Variants in FHIT observed in about 807,000 individuals in gnomAD.
FHIT encodes fragile histidine triad diadenosine triphosphatase, also known as bis(5'-adenosyl)-triphosphatase.
In FHIT, 19 loss-of-function variants were observed where a neutral mutation model predicts 17.9. The observed-to-expected ratio is 1.06, with a 90% CI of 0.74 to 1.56. The LOEUF is 1.56. Ranked by LOEUF, FHIT falls within the 40% of genes most tolerant of loss-of-function variation. FHIT has a pLI of 0.00. For missense variants in FHIT, 248 were observed against 189.2 expected, an observed-to-expected ratio of 1.31 and a Z score of -1.82; for synonymous variants, 81 against 69.7, an observed-to-expected ratio of 1.16 and a Z score of -0.81.
At chr3:60,775,194 G>A (rs1700179412) in intron 4 of FHIT, among the ~76,000 whole-genome samples, 1 of 152,184 alleles carries the variant, frequency 6.6e-6, no homozygotes, top group African/African-American at 2.4e-5. Context: ...GCCCCTGATA[G>A]AGGAAGAAAC....
At chr3:59,889,631 C>T (rs1575648596) in intron 8 of FHIT, among the ~76,000 whole-genome samples, 1 of 152,172 alleles carries the variant, frequency 6.6e-6, no homozygotes, top group East Asian at 1.9e-4. Context: ...GACACTACAA[C>T]GTGGTTGGAA....
At chr3:60,371,525 C>T (rs1469979856) in intron 5 of FHIT, among the ~76,000 whole-genome samples, 2 of 152,006 alleles carry the variant, frequency 1.3e-5, no homozygotes, top group Non-Finnish European at 2.9e-5. Flanking sequence ...ACCTGGCTCT[C>T]AAGTAGTCGG....
At chr3:59,892,812 C>T (rs1703912429) in intron 8 of FHIT, among the ~76,000 whole-genome samples, 1 of 152,080 alleles carries the variant, frequency 6.6e-6, no homozygotes, top group Non-Finnish European at 1.5e-5. Flanking sequence ...AACCACCCAC[C>T]CATCAATTAT....
At chr3:61,161,328 G>A (rs536391737) in intron 2 of FHIT, among the ~76,000 whole-genome samples, 3 of 151,864 alleles carry the variant, frequency 2.0e-5, no homozygotes, top group South Asian at 2.1e-4. Context: ...CAGCCTCCCA[G>A]GTAGCTGGGA....
At chr3:60,865,681 G>T (rs1298857456) in intron 3 of FHIT, among the ~76,000 whole-genome samples, 4 of 152,088 alleles carry the variant, frequency 2.6e-5, no homozygotes, top group African/African-American at 9.7e-5. Context: ...TTTCATATCT[G>T]TTATGCTACT....
At chr3:60,879,526 G>A (rs545316016) in intron 3 of FHIT, among the ~76,000 whole-genome samples, 13 of 152,250 alleles carry the variant, frequency 8.5e-5, no homozygotes, top group African/African-American at 2.9e-4. Context: ...AAAGAAATAT[G>A]TCAATGCCAA....
intron 1 of FHIT, among the ~76,000 whole-genome samples, chr3:61,205,826 G>A (rs1393780316): frequency 6.6e-6 from 1 of 151,340 alleles, no homozygotes; most frequent in Non-Finnish European, 1.5e-5. Context: ...AGTTTAATTA[G>A]ATCCCATTTG....
At chr3:59,922,548 C>A in intron 7 of FHIT, 134 bp from the exon 8 acceptor site, 1 of 704,524 alleles carries the variant, frequency 1.4e-6, no homozygotes, top group Admixed American at 2.7e-5. Context: ...AAGTTGATAT[C>A]CACCTTCGGT....
At chr3:60,357,412 T>C (rs997962114) in intron 5 of FHIT, among the ~76,000 whole-genome samples, 1 of 151,946 alleles carries the variant, frequency 6.6e-6, no homozygotes, top group African/African-American at 2.4e-5. Context: ...CCTGGCTAAT[T>C]TTTTGTATTT....
chr3:61,239,514 C>T (rs1034202605), intron 1 of FHIT, among the ~76,000 whole-genome samples: 1 of 152,006 alleles, frequency 6.6e-6, no homozygotes, highest in African/African-American at 2.4e-5. Flanking sequence ...TTCTGTCTGG[C>T]CATTTTATCT....
At chr3:60,563,979 C>T (rs1029915360) in intron 4 of FHIT, among the ~76,000 whole-genome samples, 4 of 152,152 alleles carry the variant, frequency 2.6e-5, no homozygotes, top group Non-Finnish European at 1.5e-5. Context: ...TATTGGAAGG[C>T]GATGCCATCA....
intron 8 of FHIT, among the ~76,000 whole-genome samples, chr3:59,771,666 C>T (rs887621675): frequency 2.6e-5 from 4 of 152,190 alleles, no homozygotes; most frequent in African/African-American, 9.7e-5. Flanking sequence ...GAAGGGTTGT[C>T]CTAAGAAGAA....
intron 5 of FHIT, among the ~76,000 whole-genome samples, chr3:60,029,907 G>C (rs867029188): frequency 5.3e-5 from 7 of 132,542 alleles, no homozygotes; most frequent in African/African-American, 2.3e-4. Context: ...CTGTGTGTGT[G>C]TGTGTGTGTG....
At chr3:60,704,448 C>T (rs2041322965) in intron 4 of FHIT, among the ~76,000 whole-genome samples, 1 of 152,118 alleles carries the variant, frequency 6.6e-6, no homozygotes, top group Non-Finnish European at 1.5e-5. Context: ...ACAGCTCTCC[C>T]AGACTTCACA....
chr3:60,715,097 A>G lies in FHIT; in HGVS notation c.-18+106822T>C, dbSNP rs2041647229. The stretch of plus-strand genomic sequence containing the variant: ...GGTACCAAAACAGAGATATAGATCA[A>G]TGGAACAGAACAGAGCCCTCAGAAA... On this transcript the variant is annotated intron_variant, in intron 4 of 9. Transcript: ENST00000492590. Among the ~76,000 whole-genome samples the G allele has an allele frequency of 2.6e-5, 4 of 152,258 alleles. No individual in the cohort carries two copies. The South Asian group carries it at 6.2e-4, about 24-fold the overall frequency.
At chr3:61,216,248 A>T (rs1418178528) in intron 1 of FHIT, among the ~76,000 whole-genome samples, 1 of 152,246 alleles carries the variant, frequency 6.6e-6, no homozygotes, top group Non-Finnish European at 1.5e-5. Flanking sequence ...TACTCATTTG[A>T]CAAAGGGCTA....
intron 5 of FHIT, among the ~76,000 whole-genome samples, chr3:60,471,212 C>T (rs2033073434): frequency 6.6e-6 from 1 of 152,192 alleles, no homozygotes; most frequent in South Asian, 2.1e-4. Context: ...GCACTCCCTT[C>T]ACCAGCTGAT....
chr3:60,472,370 T>G (rs2033131691), intron 5 of FHIT, among the ~76,000 whole-genome samples: 1 of 58,534 alleles, frequency 1.7e-5, no homozygotes, highest in Non-Finnish European at 2.9e-5. Flanking sequence ...CAATGCTGTA[T>G]TTTTTTTTTT....
At chr3:61,039,809 C>CCTG (rs1244848385) in intron 3 of FHIT, among the ~76,000 whole-genome samples, 3 of 152,016 alleles carry the variant, frequency 2.0e-5, no homozygotes, top group Non-Finnish European at 4.4e-5. Context: ...ATGTAACAAA[C>CCTG]CTGCACATTC....
Sources: gnomAD v4.1 joint callset for allele counts (sites outside exome capture counted in the v4.1 genomes callset) on GRCh38, gnomAD v4.1.1 for gene constraint, MANE v1.5 for transcripts, NCBI Gene and HGNC (gene_info 2026-07-23, HGNC 2026-07-21) for gene names.